The following ARFGEF3 variants were observed in gnomAD, a reference collection of about 807,000 sequenced individuals.
The protein encoded by ARFGEF3 is brefeldin A-inhibited guanine nucleotide-exchange protein 3.
A neutral mutation model predicts 221.7 loss-of-function variants in ARFGEF3; 96 were observed. The observed-to-expected ratio is 0.43, with a 90% CI of 0.37 to 0.51. ARFGEF3 has a LOEUF of 0.51. ARFGEF3 is among the 20% of genes least tolerant of loss of function. The pLI is 0.00. For missense variants in ARFGEF3, 2,410 were observed against 2,789.9 expected, an observed-to-expected ratio of 0.86 and a Z score of 3.07; for synonymous variants, 1,145 against 1,126.8, an observed-to-expected ratio of 1.02 and a Z score of -0.32.
intron 4 of ARFGEF3, among the ~76,000 whole-genome samples, chr6:138,212,697 TA>T (rs1777754527): frequency 6.6e-6 from 1 of 152,056 alleles, no homozygotes; most frequent in African/African-American, 2.4e-5. Flanking sequence ...TATGCAGCCA[TA>T]AAAAAGGATG....
At position 138,324,048 on chromosome 6, in the gene ARFGEF3, G is replaced by A. The variant is rs1780084706; in HGVS notation, c.4895G>A (p.Gly1632Asp). 1.2e-6 allele frequency: 2 copies of A among 1,613,814 alleles called. No individual in the cohort carries two copies. The highest frequency in any genetic ancestry group is 1.7e-6 in the Non-Finnish European group (2 of 1,179,866). The change falls in exon 31 of 34, where the codon GGC becomes GAC. Residue 1632 changes from glycine to aspartate, a missense_variant. By Grantham distance (94) the Gly-to-Asp change is moderately conservative. Around this residue, in one of 5 missense-constraint regions of ARFGEF3, gnomAD observed 723 missense variants for 991.9 expected, o/e 0.73. Coordinates refer to ENST00000251691, the MANE Select transcript of ARFGEF3 (RefSeq NM_020340.5). ...VKDLLGCFHSGTESFSGEGCQ... is the reference protein window; with the variant it reads ...VKDLLGCFHSDTESFSGEGCQ... Reference sequence around the variant, plus strand: ...GACCTGCTGGGCTGCTTCCACAGCGGCACGGAGAGCTTCAGCGGGGAAGGC... The same window carrying A: ...GACCTGCTGGGCTGCTTCCACAGCGACACGGAGAGCTTCAGCGGGGAAGGC...
At chr6:138,187,663 T>A (rs1178947147) in intron 2 of ARFGEF3, among the ~76,000 whole-genome samples, 2 of 152,184 alleles carry the variant, frequency 1.3e-5, no homozygotes, top group African/African-American at 4.8e-5. Context: ...CTCTCCCAGG[T>A]TGGTTTGACC....
At position 138,339,737 on chromosome 6, in the gene ARFGEF3, T is replaced by C. The variant is rs1780393965; in HGVS notation, c.*3251T>C. ...CATGCACTGTCCACAGCATCTCACCTAGCTCCTGTATCTCCTGATCTGCTT... is the reference window on the plus strand; with the variant it reads ...CATGCACTGTCCACAGCATCTCACCCAGCTCCTGTATCTCCTGATCTGCTT... On this transcript the variant is annotated 3_prime_UTR_variant, in exon 34 of 34. Coordinates refer to ENST00000251691, the MANE Select transcript of ARFGEF3 (RefSeq NM_020340.5). 1 of 152,214 alleles carries C rather than the reference T, an allele frequency of 6.6e-6. No individual in the cohort carries two copies. The highest frequency in any genetic ancestry group is 2.1e-4 in the South Asian group (1 of 4,830). 9.4% of individuals were successfully genotyped at this position (152,214 alleles called of 1,614,324 possible).
intron 21 of ARFGEF3, among the ~76,000 whole-genome samples, chr6:138,298,104 C>T (rs1779555271): frequency 6.6e-6 from 1 of 152,186 alleles, no homozygotes; most frequent in African/African-American, 2.4e-5. Flanking sequence ...CAAAGCAACT[C>T]ACACATCCAA....
In ARFGEF3 at chr6:138,336,378, G is replaced by A. The variant is rs150354501; in HGVS notation, c.6426G>A (p.Val2142=). The change falls in exon 34 of 34, where the codon GTG becomes GTA. Residue 2142 remains valine (V), a synonymous_variant. Transcript: ENST00000251691. ...DQTFTALQPA[V]FPCISQLTCH... ...CCTTCACGGCCCTCCAGCCCGCAGT[G>A]TTCCCGTGCATCAGTCAGCTGACCT... is the stretch of plus-strand genomic sequence containing the variant. The A allele has an allele frequency of 8.7e-6, 14 of 1,613,216 alleles. No homozygotes were observed. The African/African-American group carries it at 1.3e-4, about 15-fold the overall frequency.
intron 3 of ARFGEF3, among the ~76,000 whole-genome samples, chr6:138,208,404 T>G (rs1455842883): frequency 1.3e-5 from 2 of 152,114 alleles, no homozygotes; most frequent in Admixed American, 6.5e-5. Context: ...TTTGAAAGAA[T>G]ATAGGCAAAA....
intron 13 of ARFGEF3, among the ~76,000 whole-genome samples, chr6:138,279,436 G>A (rs1341044369): frequency 6.6e-6 from 1 of 152,232 alleles, no homozygotes; most frequent in Non-Finnish European, 1.5e-5. Context: ...GGGATACAAT[G>A]AGAGTGTTGG....
intron 10 of ARFGEF3, among the ~76,000 whole-genome samples, chr6:138,260,161 C>T (rs1035095857): frequency 2.0e-5 from 3 of 152,078 alleles, no homozygotes; most frequent in Non-Finnish European, 4.4e-5. Context: ...TGACTTTAGC[C>T]CCAGCCTTGT....
intron 2 of ARFGEF3, among the ~76,000 whole-genome samples, chr6:138,206,331 C>A (rs1777623948): frequency 6.7e-6 from 1 of 149,104 alleles, no homozygotes; most frequent in Non-Finnish European, 1.5e-5. Context: ...TTAAAATATC[C>A]AAATATCTCT....
rs1412328182 is a variant in ARFGEF3 at position 138,234,958 on chromosome 6, A to T, written c.421-3551A>T. Among the ~76,000 whole-genome samples, 4 of 152,170 alleles carry T rather than the reference A, an allele frequency of 2.6e-5. 1 individual carries two copies. Among genetic ancestry groups the T allele is most frequent in the African/African-American group, 9.7e-5 (4 of 41,436 alleles). ...ATATGTATTTTATAAAACTAAGCAC[A>T]TTTTTATTGTGGCATCTTCTTTAAT... On this transcript the variant is annotated intron_variant, in intron 5 of 33. Coordinates refer to ENST00000251691, the MANE Select transcript of ARFGEF3 (RefSeq NM_020340.5).
rs771733823 is a variant in ARFGEF3, at chr6:138,337,852, CAG to C, written c.*1369_*1370del. Reference sequence around the variant, plus strand: ...ATCAAGCTTACTTACACACATTCTACAGAGTTATTTAAGGCATACATTATAAT... The same window carrying C: ...ATCAAGCTTACTTACACACATTCTACAGTTATTTAAGGCATACATTATAAT... On this transcript the variant is annotated 3_prime_UTR_variant, in exon 34 of 34. Transcript: ENST00000251691. 2.0e-5 allele frequency: 3 copies of C among 152,146 alleles called. No homozygotes were observed. Among genetic ancestry groups the C allele is most frequent in the African/African-American group, 4.8e-5 (2 of 41,418 alleles). 9.4% of individuals were successfully genotyped at this position (152,146 alleles called of 1,614,324 possible).
At chr6:138,295,706 G>A (rs1467846024) in intron 20 of ARFGEF3, among the ~76,000 whole-genome samples, 2 of 151,980 alleles carry the variant, frequency 1.3e-5, no homozygotes, top group East Asian at 3.9e-4. Context: ...CCAACACAGT[G>A]TCTGATGCAG....
At chr6:138,270,030 A>G (rs1268516778) in intron 12 of ARFGEF3, among the ~76,000 whole-genome samples, 1 of 151,958 alleles carries the variant, frequency 6.6e-6, no homozygotes, top group African/African-American at 2.4e-5. Context: ...CTTCTCATCT[A>G]TAGTCTGAGC....
chr6:138,209,699 C>T (rs985064304), intron 3 of ARFGEF3, among the ~76,000 whole-genome samples: 2 of 152,182 alleles, frequency 1.3e-5, no homozygotes, highest in East Asian at 1.9e-4. Flanking sequence ...CCGCCCACCT[C>T]AGCCTCCCAA....
intron 2 of ARFGEF3, among the ~76,000 whole-genome samples, chr6:138,183,929 T>G (rs1777130402): frequency 6.6e-6 from 1 of 152,108 alleles, no homozygotes; most frequent in Non-Finnish European, 1.5e-5. Flanking sequence ...GCTGGGTCTG[T>G]CCAGAGGAGG....
At chr6:138,298,846 G>C in intron 22 of ARFGEF3, 61 bp downstream of exon 22, 1 of 1,276,320 alleles carries the variant, frequency 7.8e-7, no homozygotes, top group Non-Finnish European at 1.1e-6. Flanking sequence ...TGGCAGGCAC[G>C]GTTCTATGAG....
intron 20 of ARFGEF3, among the ~76,000 whole-genome samples, chr6:138,295,773 C>T (rs1017277246): frequency 3.3e-5 from 5 of 152,088 alleles, no homozygotes; most frequent in Non-Finnish European, 7.4e-5. Flanking sequence ...ATCCAAAATC[C>T]AAAACTTTTT....
chr6:138,166,446 C>G (rs1776724428), intron 1 of ARFGEF3, among the ~76,000 whole-genome samples: 1 of 152,240 alleles, frequency 6.6e-6, no homozygotes, highest in African/African-American at 2.4e-5. Context: ...TTCTTCTACT[C>G]TGTCTACTTT....
In ARFGEF3 at chr6:138,334,706, G is replaced by A; in HGVS notation, c.5860G>A (p.Gly1954Ser). Residue 1954 changes from glycine (G) to serine (S), a missense_variant, in exon 33 of 34, where the codon GGC becomes AGC. Coordinates refer to ENST00000251691, the MANE Select transcript of ARFGEF3 (RefSeq NM_020340.5). This position sits in a 1 kb window ranked among gnomAD's most constrained non-coding sequence, Gnocchi z 5.1. ...CGAGTCATCCACCCCATCCACCGGG[G>A]GCTTCTCTGGGAAAGAAACCCCTTC... Reference protein sequence around the residue: ...QSESSTPSTGGFSGKETPSED... With the variant: ...QSESSTPSTGSFSGKETPSED... 1 of 1,610,148 alleles carries A rather than the reference G, an allele frequency of 6.2e-7. No homozygotes were observed. The highest frequency in any genetic ancestry group is 8.5e-7 in the Non-Finnish European group (1 of 1,177,036).
Sources: allele counts gnomAD v4.1 joint callset (sites outside exome capture counted in the v4.1 genomes callset), GRCh38; gene constraint gnomAD v4.1.1; regional missense constraint gnomAD v4.1.1; non-coding constraint Gnocchi (gnomAD v3.1); transcripts MANE v1.5; gene names NCBI Gene and HGNC (gene_info 2026-07-23, HGNC 2026-07-21).